Variants in EEF2K observed in about 807,000 individuals in gnomAD.
The protein encoded by EEF2K is alternative protein EEF2K.
A neutral mutation model predicts 93.8 loss-of-function variants in EEF2K; 70 were observed. The observed-to-expected ratio is 0.75, with a 90% CI of 0.62 to 0.91. The LOEUF is 0.91. Ranked by LOEUF, EEF2K falls within the 40% of genes least tolerant of loss-of-function variation. The pLI, the probability that EEF2K is intolerant of heterozygous loss-of-function variation, is 0.00. For synonymous variants in EEF2K, 376 were observed against 380.8 expected, an observed-to-expected ratio of 0.99 and a Z score of 0.15; for missense variants, 935 against 972.9, an observed-to-expected ratio of 0.96 and a Z score of 0.52.
At position 22,287,277 on chromosome 16, in the gene EEF2K, C is replaced by T. The variant is rs1161998908; in HGVS notation, c.*3281C>T. On this transcript the variant is annotated 3_prime_UTR_variant, in exon 18 of 18. Transcript: ENST00000263026. ...TGAGACTCCGTCTCGAAACCAAAAA[C>T]AAGAAAAACCCCTAGTTTTGTGCCT... 1 of 152,234 alleles carries T rather than the reference C, an allele frequency of 6.6e-6. No homozygotes were observed. The highest frequency in any genetic ancestry group is 6.5e-5 in the Admixed American group (1 of 15,280). 9.4% of individuals were successfully genotyped at this position (152,234 alleles called of 1,614,324 possible).
intron 2 of EEF2K, among the ~76,000 whole-genome samples, chr16:22,240,826 G>C (rs1428306200): frequency 6.6e-6 from 1 of 152,086 alleles, no homozygotes; most frequent in Non-Finnish European, 1.5e-5. Context: ...CTGGAGTGTA[G>C]TTGTGCTCTC....
At chr16:22,262,464 C>T (rs931633357) in intron 11 of EEF2K, among the ~76,000 whole-genome samples, 1 of 151,974 alleles carries the variant, frequency 6.6e-6, no homozygotes, top group Non-Finnish European at 1.5e-5. Context: ...GAGCTGAGAT[C>T]GTGCCACTGC....
intron 1 of EEF2K, among the ~76,000 whole-genome samples, chr16:22,209,490 C>T (rs56405059): frequency 0.042 from 6,434 of 152,198 alleles, 470 homozygotes; most frequent in African/African-American, 0.14. Flanking sequence ...GCTCGTTCTC[C>T]GGGATTCACT....
intron 6 of EEF2K, among the ~76,000 whole-genome samples, chr16:22,254,460 G>A (rs1276137034): frequency 1.3e-5 from 2 of 152,160 alleles, no homozygotes; most frequent in African/African-American, 4.8e-5. Context: ...CACTCTCCAT[G>A]GATGGTCGTT....
Position 22,266,538 on chromosome 16 carries a change from C to T in EEF2K, c.1575+14C>T. On this transcript the variant is annotated intron_variant, in intron 14 of 17. Coordinates refer to ENST00000263026, the MANE Select transcript of EEF2K (RefSeq NM_013302.5). ...ATTTTGGGGAAGGTATCGGCGATGC[C>T]CATTTTGGAGCCCTGTCTGCACTAA... 6.2e-7 allele frequency: 1 copy of T among 1,613,710 alleles called. No homozygotes were observed. The highest frequency in any genetic ancestry group is 1.3e-5 in the African/African-American group (1 of 75,056).
chr16:22,220,984 G>C (rs543923928), intron 1 of EEF2K, among the ~76,000 whole-genome samples: 3 of 152,358 alleles, frequency 2.0e-5, no homozygotes, highest in East Asian at 3.9e-4. Context: ...CCAGTCCAGG[G>C]CTCAGGGAAG....
At chr16:22,217,228 T>TAGATAGATAG (rs1555468299) in intron 1 of EEF2K, among the ~76,000 whole-genome samples, 12,124 of 135,954 alleles carry the variant, frequency 0.089, 858 homozygotes, top group East Asian at 0.44. Flanking sequence ...GATAGATAGA[T>TAGATAGATAG]AGAGAGAGAG....
intron 11 of EEF2K, 70 bp downstream of exon 11, chr16:22,260,599 G>A: frequency 1.3e-6 from 2 of 1,597,160 alleles, no homozygotes; most frequent in Non-Finnish European, 8.6e-7. Context: ...CACTCCCAGA[G>A]TGAATCTTCA....
chr16:22,223,262 G>GTTTTTTTTTTTTTTTTTTTTTTGT (rs58446693), intron 1 of EEF2K, among the ~76,000 whole-genome samples: 2 of 107,476 alleles, frequency 1.9e-5, no homozygotes, highest in African/African-American at 6.9e-5. Context: ...GTTTTTTTCT[G>GTTTTTTTTTTTTTTTTTTTTTTGT]TTTTTTTTTT....
intron 1 of EEF2K, among the ~76,000 whole-genome samples, chr16:22,222,696 C>T (rs964644462): frequency 3.5e-4 from 46 of 132,688 alleles, no homozygotes; most frequent in African/African-American, 1.4e-3. Flanking sequence ...GGTGAAACCC[C>T]GTCCCTAAAA....
At chr16:22,221,684 T>TA (rs1248642253) in intron 1 of EEF2K, among the ~76,000 whole-genome samples, 4 of 152,190 alleles carry the variant, frequency 2.6e-5, no homozygotes, top group Non-Finnish European at 5.9e-5. Flanking sequence ...TGGTTTGATG[T>TA]AAAAAAATTT....
chr16:22,262,001 C>CCCCACACACACACACACACACA (rs1555473206), intron 11 of EEF2K, among the ~76,000 whole-genome samples: 10 of 138,114 alleles, frequency 7.2e-5, no homozygotes, highest in African/African-American at 2.7e-4. Flanking sequence ...TGAGACCCTG[C>CCCCACACACACACACACACACA]CACACACACA....
intron 1 of EEF2K, among the ~76,000 whole-genome samples, chr16:22,225,167 C>T (rs907775943): frequency 9.9e-5 from 15 of 151,950 alleles, no homozygotes; most frequent in African/African-American, 2.2e-4. Flanking sequence ...TACAAAGGCT[C>T]GGAGGTCGGA....
chr16:22,270,290 TG>T (rs1349922624), intron 15 of EEF2K, among the ~76,000 whole-genome samples: 1 of 151,954 alleles, frequency 6.6e-6, no homozygotes, highest in Non-Finnish European at 1.5e-5. Context: ...GGCTAATTTT[TG>T]TATTTTTTTT....
At chr16:22,257,521 G>T in intron 8 of EEF2K, 122 bp from the exon 9 acceptor site, 2 of 1,545,860 alleles carry the variant, frequency 1.3e-6, no homozygotes, top group Non-Finnish European at 1.7e-6. Context: ...GAGCCTGGAT[G>T]TCTGATGCCT....
chr16:22,250,012 C>T (rs1457494838), intron 4 of EEF2K, among the ~76,000 whole-genome samples: 1 of 151,894 alleles, frequency 6.6e-6, no homozygotes, highest in Non-Finnish European at 1.5e-5. Context: ...GAACTCCCGA[C>T]CTCAGGTGAT....
At chr16:22,268,745 T>C (rs1229130357) in intron 15 of EEF2K, among the ~76,000 whole-genome samples, 4 of 151,902 alleles carry the variant, frequency 2.6e-5, no homozygotes, top group African/African-American at 9.7e-5. Context: ...CACCTCAGGT[T>C]AGGAGTTCAC....
intron 15 of EEF2K, among the ~76,000 whole-genome samples, chr16:22,271,311 G>C (rs555796120): frequency 6.6e-6 from 1 of 152,094 alleles, no homozygotes; most frequent in Non-Finnish European, 1.5e-5. Context: ...GTGGTGTGCT[G>C]GGGAACATTT....
intron 2 of EEF2K, among the ~76,000 whole-genome samples, chr16:22,226,826 A>G (rs1230325736): frequency 1.3e-5 from 2 of 152,238 alleles, no homozygotes; most frequent in African/African-American, 4.8e-5. Flanking sequence ...CTGTGATGCC[A>G]GCACTTTGAG....
Sources: gnomAD v4.1 joint callset for allele counts (sites outside exome capture counted in the v4.1 genomes callset) on GRCh38, gnomAD v4.1.1 for gene constraint, MANE v1.5 for transcripts, NCBI Gene and HGNC (gene_info 2026-07-23, HGNC 2026-07-21) for gene names.